STK3: variants seen among roughly 807,000 people sequenced by gnomAD.
The protein encoded by STK3 is serine/threonine kinase 3, also known as serine/threonine-protein kinase 3.
A neutral mutation model predicts 58.0 loss-of-function variants in STK3; 41 were observed. The ratio of observed to expected loss-of-function variants is 0.71; its 90% confidence interval spans 0.55 to 0.92. The LOEUF (loss-of-function observed/expected upper bound fraction) is 0.92. Among genes scored for constraint, STK3 ranks in the 40% least tolerant of loss-of-function variants. The pLI is 0.00. For missense variants in STK3, 479 were observed against 602.7 expected (o/e 0.79, Z 2.15); for synonymous variants, 170 against 191.0 (o/e 0.89, Z 0.91).
chr8:98,706,310 G>A (rs1825958264), intron 6 of STK3, among the ~76,000 whole-genome samples, 157 bp downstream of exon 6: 1 of 152,142 alleles, frequency 6.6e-6, no homozygotes, highest in African/African-American at 2.4e-5. Context: ...AGAAGGAAGA[G>A]AAGTTAACAG....
At chr8:98,448,638 A>C (rs543308613) in intron 1 of STK3, among the ~76,000 whole-genome samples, 2 of 152,308 alleles carry the variant, frequency 1.3e-5, no homozygotes, top group Admixed American at 1.3e-4. Context: ...TGGACATTCT[A>C]TAAAAATTTA....
intron 6 of STK3, among the ~76,000 whole-genome samples, chr8:98,688,326 A>G (rs1218912079): frequency 1.3e-5 from 2 of 152,216 alleles, no homozygotes; most frequent in Non-Finnish European, 2.9e-5. Flanking sequence ...TAACAGTGGG[A>G]GACTTCAACA....
chr8:98,795,079 CAAA>C (rs35865316), intron 1 of STK3, among the ~76,000 whole-genome samples: 6 of 13,374 alleles, frequency 4.5e-4, no homozygotes, highest in African/African-American at 1.7e-3. Context: ...AACTCCGTCG[CAAA>C]AAAAAAAAAA....
intron 2 of STK3, among the ~76,000 whole-genome samples, chr8:98,375,264 A>C (rs71506324): frequency 0.62 from 86,268 of 139,682 alleles, 26,659 homozygotes; most frequent in Non-Finnish European, 0.68. Context: ...CCAAAACAAA[A>C]AAAAAACAAA....
intron 9 of STK3, among the ~76,000 whole-genome samples, chr8:98,541,402 G>A (rs1481998022): frequency 6.6e-6 from 1 of 152,062 alleles, no homozygotes; most frequent in East Asian, 1.9e-4. Flanking sequence ...CATGTAGGAC[G>A]TGCCAGCTTC....
At chr8:98,415,185 A>ACAGACAGCAGCCCTCGC (rs1818100937) in intron 3 of STK3, among the ~76,000 whole-genome samples, 1 of 152,190 alleles carries the variant, frequency 6.6e-6, no homozygotes, top group Non-Finnish European at 1.5e-5. Context: ...CATCTTGGAA[A>ACAGACAGCAGCCCTCGC]CAGACAGCAG....
intron 4 of STK3, among the ~76,000 whole-genome samples, chr8:98,745,702 G>A (rs551221628): frequency 5.3e-5 from 8 of 152,072 alleles, no homozygotes; most frequent in South Asian, 2.1e-4. Context: ...AGATGAGAAG[G>A]TCAAAGACTG....
intron 10 of STK3, among the ~76,000 whole-genome samples, chr8:98,475,888 C>T (rs1821270274): frequency 6.6e-6 from 1 of 152,206 alleles, no homozygotes; most frequent in South Asian, 2.1e-4. Flanking sequence ...AGCTCACCCA[C>T]AAGCAGCACC....
At chr8:98,493,539 C>T (rs1358442138) in intron 10 of STK3, among the ~76,000 whole-genome samples, 1 of 152,200 alleles carries the variant, frequency 6.6e-6, no homozygotes, top group Non-Finnish European at 1.5e-5. Flanking sequence ...TTTACACATT[C>T]ATTTCCTCTT....
intron 9 of STK3, among the ~76,000 whole-genome samples, chr8:98,529,217 A>T (rs940703048): frequency 1.6e-4 from 24 of 152,330 alleles, no homozygotes; most frequent in Admixed American, 2.0e-4. Context: ...AGGGAAGCCT[A>T]AATCGATGCC....
intron 6 of STK3, among the ~76,000 whole-genome samples, chr8:98,627,221 AT>A (rs1818786284): frequency 6.6e-6 from 1 of 152,168 alleles, no homozygotes; most frequent in Non-Finnish European, 1.5e-5. Flanking sequence ...TCTACTAAAA[AT>A]ATAAAAATTA....
At chr8:98,408,703 C>A (rs1347642752) in intron 3 of STK3, among the ~76,000 whole-genome samples, 1 of 152,236 alleles carries the variant, frequency 6.6e-6, no homozygotes, top group Non-Finnish European at 1.5e-5. Context: ...GAATTCAAAG[C>A]CAGAGGCTGG....
intron 4 of STK3, among the ~76,000 whole-genome samples, chr8:98,711,305 G>A (rs1015668272): frequency 6.6e-6 from 1 of 152,180 alleles, no homozygotes; most frequent in African/African-American, 2.4e-5. Flanking sequence ...GACAAGCTGA[G>A]AGAAGAAGGC....
chr8:98,712,049 G>T (rs1826504289), intron 4 of STK3, among the ~76,000 whole-genome samples: 1 of 152,110 alleles, frequency 6.6e-6, no homozygotes, highest in South Asian at 2.1e-4. Context: ...CATAAGTGAA[G>T]GAGAAATAAA....
At chr8:98,533,759 G>T (rs1285482945) in intron 9 of STK3, among the ~76,000 whole-genome samples, 2 of 152,148 alleles carry the variant, frequency 1.3e-5, no homozygotes, top group Admixed American at 1.3e-4. Flanking sequence ...CAAAGTGCTG[G>T]CATCACAGGT....
chr8:98,853,562 C>A (rs1836556972), intron 3 of STK3, among the ~76,000 whole-genome samples: 1 of 152,206 alleles, frequency 6.6e-6, no homozygotes, highest in Admixed American at 6.5e-5. Context: ...TCTGCTAATG[C>A]ACATTCTGGC....
At chr8:98,353,260 G>T in the STK3 span, among the ~76,000 whole-genome samples, 3 of 152,138 alleles carry the variant, frequency 2.0e-5, no homozygotes, top group Admixed American at 1.3e-4. Flanking sequence ...GATCACTTGA[G>T]CCCAGGAGTA....
intron 3 of STK3, among the ~76,000 whole-genome samples, chr8:98,406,847 T>G (rs757493871): frequency 6.6e-6 from 1 of 152,202 alleles, no homozygotes; most frequent in Non-Finnish European, 1.5e-5. Context: ...CTTACTTTCC[T>G]TCTTCCTGTG....
At chr8:98,938,387 G>C (rs1005778294) in intron 1 of STK3, among the ~76,000 whole-genome samples, 1 of 152,210 alleles carries the variant, frequency 6.6e-6, no homozygotes, top group African/African-American at 2.4e-5. Flanking sequence ...CTTGGCATAA[G>C]AAGACTAGAA....
Sources: gnomAD v4.1 joint callset for allele counts (sites outside exome capture counted in the v4.1 genomes callset) on GRCh38, gnomAD v4.1.1 for gene constraint, MANE v1.5 for transcripts, NCBI Gene and HGNC (gene_info 2026-07-23, HGNC 2026-07-21) for gene names.